Variants in RPTOR observed in about 807,000 individuals in gnomAD.
RPTOR encodes regulatory-associated protein of mTOR.
A neutral mutation model predicts 169.9 loss-of-function variants in RPTOR; 21 were observed. That is an observed-to-expected ratio of 0.12 (90% confidence interval 0.09 to 0.18). The LOEUF (loss-of-function observed/expected upper bound fraction) is 0.18, where lower values mean the gene tolerates loss of function less well. Ranked by LOEUF, RPTOR falls within the 10% of genes least tolerant of loss-of-function variation. The pLI, the probability that RPTOR is intolerant of heterozygous loss-of-function variation, is 1.00. For missense variants in RPTOR, 1,133 were observed against 1,855.9 expected, an observed-to-expected ratio of 0.61 and a Z score of 7.16; for synonymous variants, 732 against 753.2, an observed-to-expected ratio of 0.97 and a Z score of 0.46.
intron 10 of RPTOR, among the ~76,000 whole-genome samples, chr17:80,840,543 G>A (rs1260586284): frequency 1.5e-5 from 2 of 129,740 alleles, no homozygotes; most frequent in African/African-American, 6.2e-5. Flanking sequence ...CCGCACGGCA[G>A]CTCACTCTCA....
At chr17:80,783,776 T>A (rs2066964295) in intron 6 of RPTOR, among the ~76,000 whole-genome samples, 1 of 152,252 alleles carries the variant, frequency 6.6e-6, no homozygotes, top group African/African-American at 2.4e-5. Context: ...TAATTGTTTT[T>A]CCTTTTTGCT....
rs1232732077 is a variant in RPTOR at position 80,721,425 on chromosome 17, C to T, written c.508-9135C>T. 3.3e-5 allele frequency among the ~76,000 whole-genome samples: 5 copies of T among 151,386 alleles called. No homozygotes were observed. Among genetic ancestry groups the T allele is most frequent in the Non-Finnish European group, 7.4e-5 (5 of 68,022 alleles). Reference sequence around the variant, plus strand: ...ACTCACTTCCTCGGCAGGGCCTGCACGCACCTGGTGCAGGAGCAGCAGAAG... The same window carrying T: ...ACTCACTTCCTCGGCAGGGCCTGCATGCACCTGGTGCAGGAGCAGCAGAAG... On this transcript the variant is annotated intron_variant, in intron 4 of 33. Coordinates refer to ENST00000306801, the MANE Select transcript of RPTOR (RefSeq NM_020761.3). The surrounding 1 kb of genome is among the most constrained non-coding windows in gnomAD (Gnocchi z 4.7).
chr17:80,574,309 C>T (rs564201533), intron 1 of RPTOR, among the ~76,000 whole-genome samples: 2 of 150,748 alleles, frequency 1.3e-5, no homozygotes, highest in South Asian at 2.1e-4. Flanking sequence ...GGACTACAGG[C>T]GCCCGCCACC....
chr17:80,838,557 G>A (rs375311370), intron 10 of RPTOR, among the ~76,000 whole-genome samples: 7 of 152,368 alleles, frequency 4.6e-5, no homozygotes, highest in South Asian at 2.1e-4. Flanking sequence ...TTTGCCTTAC[G>A]TGAGGCGCCA....
intron 1 of RPTOR, among the ~76,000 whole-genome samples, chr17:80,586,029 C>G (rs1463329138): frequency 6.6e-6 from 1 of 152,134 alleles, no homozygotes; most frequent in African/African-American, 2.4e-5. Context: ...ATTTCCACAT[C>G]TGTCACAATG....
rs1242543108 is a variant in RPTOR, at chr17:80,961,385, C to T, written c.3606-9C>T. The T allele has an allele frequency of 6.5e-7, 1 of 1,546,712 alleles. No homozygotes were observed. On this transcript the variant is annotated splice_polypyrimidine_tract_variant and intron_variant, in intron 30 of 33. Transcript: ENST00000306801. Reference sequence around the variant, plus strand: ...AAGCCCCACGCTGAGCGTGCCCCCTCCCCTACAGCCGCGTCATGACGTACC... The same window carrying T: ...AAGCCCCACGCTGAGCGTGCCCCCTTCCCTACAGCCGCGTCATGACGTACC...
intron 1 of RPTOR, among the ~76,000 whole-genome samples, chr17:80,556,108 G>A (rs1383870586): frequency 6.8e-6 from 1 of 146,604 alleles, no homozygotes; most frequent in Non-Finnish European, 1.5e-5. Flanking sequence ...TTGTGTGATT[G>A]TAAGGGCAGT....
intron 2 of RPTOR, among the ~76,000 whole-genome samples, chr17:80,629,338 G>GCAC (rs2065422218): frequency 2.7e-5 from 4 of 150,720 alleles, no homozygotes; most frequent in African/African-American, 9.8e-5. Flanking sequence ...TCTATGTATT[G>GCAC]TGTCGTTGGA....
chr17:80,602,448 G>A (rs4890053), intron 1 of RPTOR: 101,564 of 159,380 alleles, frequency 0.64, 37,035 homozygotes, highest in Admixed American at 0.76. Flanking sequence ...CCTCGCGGAC[G>A]GGGCGGCTGG....
At chr17:80,686,321 G>C (rs2143726549) in intron 3 of RPTOR, among the ~76,000 whole-genome samples, 1 of 151,182 alleles carries the variant, frequency 6.6e-6, no homozygotes, top group Non-Finnish European at 1.5e-5. Context: ...TGAGTAGCTG[G>C]GACTACAGGC....
At chr17:80,920,855 C>T (rs1296481193) in intron 21 of RPTOR, among the ~76,000 whole-genome samples, 2 of 152,244 alleles carry the variant, frequency 1.3e-5, no homozygotes, top group Non-Finnish European at 2.9e-5. Flanking sequence ...ACTTGCTTTT[C>T]TCTTTTTAGA....
intron 1 of RPTOR, among the ~76,000 whole-genome samples, chr17:80,598,774 G>A (rs200289025): frequency 6.6e-6 from 1 of 152,198 alleles, no homozygotes. Context: ...AGCTGATACC[G>A]TCACAGTAGA....
intron 1 of RPTOR, among the ~76,000 whole-genome samples, chr17:80,611,339 G>A (rs766213065): frequency 2.0e-5 from 3 of 152,048 alleles, no homozygotes; most frequent in Non-Finnish European, 2.9e-5. Flanking sequence ...TTTGCTCACC[G>A]AAACCTCTGC....
At chr17:80,624,051 G>C (rs529921578) in intron 1 of RPTOR, among the ~76,000 whole-genome samples, 1 of 152,206 alleles carries the variant, frequency 6.6e-6, no homozygotes, top group Admixed American at 6.5e-5. Flanking sequence ...TGGGACCGCA[G>C]GTGTGCACCA....
rs146321519 is a variant in RPTOR at position 80,746,704 on chromosome 17, A to C, written c.655-7306A>C. 4.8e-3 allele frequency among the ~76,000 whole-genome samples: 726 copies of C among 152,268 alleles called. 7 individuals are homozygous for C. The highest frequency in any genetic ancestry group is 0.017 in the African/African-American group (694 of 41,542). On this transcript the variant is annotated intron_variant, in intron 5 of 33. Coordinates refer to ENST00000306801, the MANE Select transcript of RPTOR (RefSeq NM_020761.3). This position sits in a 1 kb window ranked among gnomAD's most constrained non-coding sequence, Gnocchi z 4.5. ...ACTTTTAGGCCTGGGCACTGTTCAC[A>C]AGCTTGGCCAATCACAAGCACTCAG...
intron 1 of RPTOR, among the ~76,000 whole-genome samples, chr17:80,577,966 G>A (rs369931199): frequency 2.0e-5 from 3 of 152,332 alleles, no homozygotes; most frequent in South Asian, 4.1e-4. Context: ...GATGTGCGGC[G>A]CAGTCAAATG....
At chr17:80,735,144 G>T (rs2066424238) in intron 5 of RPTOR, among the ~76,000 whole-genome samples, 1 of 152,214 alleles carries the variant, frequency 6.6e-6, no homozygotes, top group South Asian at 2.1e-4. Context: ...GTGACTAAAG[G>T]GAGTGGACTT....
At chr17:80,618,234 G>C (rs184209732) in intron 1 of RPTOR, among the ~76,000 whole-genome samples, 20 of 152,310 alleles carry the variant, frequency 1.3e-4, no homozygotes, top group Admixed American at 4.6e-4. Context: ...TGATCCGCCA[G>C]GCTTGGCCTC....
chr17:80,868,235 G>A (rs892544259), intron 13 of RPTOR, among the ~76,000 whole-genome samples: 1 of 152,132 alleles, frequency 6.6e-6, no homozygotes, highest in African/African-American at 2.4e-5. Flanking sequence ...AAATCAATAT[G>A]AAAACAAACA....
Sources: gnomAD v4.1 joint callset for allele counts (sites outside exome capture counted in the v4.1 genomes callset) on GRCh38, gnomAD v4.1.1 for gene constraint, Gnocchi (gnomAD v3.1) non-coding constraint, MANE v1.5 for transcripts, NCBI Gene and HGNC (gene_info 2026-07-23, HGNC 2026-07-21) for gene names.